The following ATP9B variants were observed in gnomAD, a reference collection of about 807,000 sequenced individuals.
ATP9B encodes the protein ATPase phospholipid transporting 9B.
ATP9B carries 110 observed loss-of-function variants against 146.1 expected under a neutral mutation model. The ratio of observed to expected loss-of-function variants is 0.75; its 90% CI spans 0.65 to 0.88. The LOEUF (loss-of-function observed/expected upper bound fraction) is 0.88. Among genes scored for constraint, ATP9B ranks in the 40% least tolerant of loss-of-function variants. ATP9B has a pLI of 0.00. For synonymous variants in ATP9B, 604 were observed against 569.7 expected, an observed-to-expected ratio of 1.06 and a Z score of -0.86; for missense variants, 1,499 against 1,496.4, an observed-to-expected ratio of 1.00 and a Z score of -0.03.
intron 2 of ATP9B, among the ~76,000 whole-genome samples, chr18:79,108,930 C>T (rs1458578672): frequency 4.6e-5 from 7 of 152,106 alleles, no homozygotes; most frequent in Admixed American, 2.6e-4. Context: ...TGCAAGTTTT[C>T]AGTATTTGTA....
At chr18:79,251,011 T>C (rs1051199904) in intron 11 of ATP9B, among the ~76,000 whole-genome samples, 1 of 152,224 alleles carries the variant, frequency 6.6e-6, no homozygotes, top group African/African-American at 2.4e-5. Context: ...CTGTTGAAAA[T>C]GAGCTGCTGT....
chr18:79,236,887 GCCCCTTC>G (rs2095846394), intron 11 of ATP9B, among the ~76,000 whole-genome samples: 4 of 96,112 alleles, frequency 4.2e-5, no homozygotes, highest in African/African-American at 1.3e-4. Context: ...GTCCACACCT[GCCCCTTC>G]CCCCTTCCCC....
chr18:79,073,061 C>G (rs2072118336), intron 1 of ATP9B, among the ~76,000 whole-genome samples: 1 of 151,580 alleles, frequency 6.6e-6, no homozygotes, highest in Non-Finnish European at 1.5e-5. Flanking sequence ...TCCTCCCATC[C>G]CAGATGATGG....
chr18:79,179,441 T>C (rs1268607338), intron 8 of ATP9B, among the ~76,000 whole-genome samples: 1 of 152,174 alleles, frequency 6.6e-6, no homozygotes, highest in Non-Finnish European at 1.5e-5. Context: ...ATTGTTTACC[T>C]GTGTCACACA....
intron 6 of ATP9B, among the ~76,000 whole-genome samples, chr18:79,149,725 A>AT (rs34424097): frequency 0.14 from 21,238 of 151,600 alleles, 2,117 homozygotes; most frequent in African/African-American, 0.28. Flanking sequence ...AAAAAAAAAA[A>AT]TTTGAAATTA....
rs114241395 is a variant in ATP9B, at chr18:79,184,310, T to C, written c.873+7403T>C. Among the ~76,000 whole-genome samples the C allele has an allele frequency of 3.7e-3, 557 of 152,292 alleles. 3 individuals are homozygous for C. Among genetic ancestry groups the C allele is most frequent in the South Asian group, 0.023 (113 of 4,822 alleles). ...GGGAAGTTGAATCTTTCACTTAGTA[T>C]GTGTGGCTAAAGAATTGTTTGAGAG... On this transcript the variant is annotated intron_variant, in intron 8 of 29. Transcript: ENST00000426216.
At chr18:79,368,978 A>AC (rs61330424) in intron 26 of ATP9B, among the ~76,000 whole-genome samples, 34,346 of 151,858 alleles carry the variant, frequency 0.23, 4,500 homozygotes, top group East Asian at 0.45. Flanking sequence ...CACCGTGAGC[A>AC]CCGTCCTTCC....
intron 13 of ATP9B, among the ~76,000 whole-genome samples, chr18:79,287,111 A>G (rs974065962): frequency 1.1e-4 from 17 of 152,196 alleles, no homozygotes; most frequent in Non-Finnish European, 2.2e-4. Context: ...GGGCTTTGGT[A>G]TCAGGATGAT....
intron 5 of ATP9B, among the ~76,000 whole-genome samples, chr18:79,140,211 G>A (rs897566212): frequency 2.0e-5 from 3 of 152,118 alleles, no homozygotes; most frequent in Non-Finnish European, 2.9e-5. Context: ...AGCAGGGGCC[G>A]ACAGAGATGG....
rs534838719 is a variant in ATP9B, at chr18:79,340,053, A to G, written c.2284-2215A>G. On this transcript the variant is annotated intron_variant, in intron 19 of 29. Transcript: ENST00000426216. ...TCAGGAGGCTGAGGCGGGAGGCTCAATCGAGCCCCAGAGTTCATGGCAAGA... is the reference window on the plus strand; with the variant it reads ...TCAGGAGGCTGAGGCGGGAGGCTCAGTCGAGCCCCAGAGTTCATGGCAAGA... Among the ~76,000 whole-genome samples the G allele has an allele frequency of 6.5e-4, 99 of 152,268 alleles. 2 individuals are homozygous for G. The highest frequency in any genetic ancestry group is 2.3e-3 in the African/African-American group (94 of 41,558).
At chr18:79,349,088 A>C (rs1235345820) in intron 25 of ATP9B, among the ~76,000 whole-genome samples, 5 of 152,242 alleles carry the variant, frequency 3.3e-5, no homozygotes. Flanking sequence ...CTGTATCTGC[A>C]AAACAGGAGC....
intron 4 of ATP9B, among the ~76,000 whole-genome samples, chr18:79,119,349 A>C (rs1298458779): frequency 6.6e-6 from 1 of 152,204 alleles, no homozygotes; most frequent in Non-Finnish European, 1.5e-5. Flanking sequence ...ACGTCTGTTT[A>C]CCAAGACGAG....
At chr18:79,360,033 G>A (rs948278633) in intron 26 of ATP9B, 1 of 156,340 alleles carries the variant, frequency 6.4e-6, no homozygotes, top group Non-Finnish European at 1.4e-5. Context: ...GAAAACTTCA[G>A]TCACCTGAAA....
chr18:79,150,048 T>C (rs1464982582), intron 6 of ATP9B, among the ~76,000 whole-genome samples: 1 of 151,938 alleles, frequency 6.6e-6, no homozygotes, highest in Non-Finnish European at 1.5e-5. Flanking sequence ...GCCACTGCAC[T>C]CCAGCCTGGT....
Position 79,355,408 on chromosome 18 carries a change from A to G in ATP9B, c.2904-3946A>G, listed in dbSNP as rs117017851. On this transcript the variant is annotated intron_variant, in intron 25 of 29. Coordinates refer to ENST00000426216, the MANE Select transcript of ATP9B (RefSeq NM_198531.5). ...AAAATAGAACAGCCCAGCAGACAAGATACAGAGCAGAACCAAATGGAAATC... is the reference window on the plus strand; with the variant it reads ...AAAATAGAACAGCCCAGCAGACAAGGTACAGAGCAGAACCAAATGGAAATC... Among the ~76,000 whole-genome samples the G allele has an allele frequency of 8.2e-3, 1,255 of 152,324 alleles. 8 individuals carry two copies. Among genetic ancestry groups the G allele is most frequent in the Middle Eastern group, 0.024 (7 of 294 alleles).
intron 19 of ATP9B, among the ~76,000 whole-genome samples, chr18:79,341,980 A>G (rs2096861875): frequency 6.6e-6 from 1 of 152,048 alleles, no homozygotes; most frequent in Non-Finnish European, 1.5e-5. Flanking sequence ...GGCTCTAGGG[A>G]CCTCATGGAA....
intron 13 of ATP9B, among the ~76,000 whole-genome samples, chr18:79,289,216 A>G (rs567902041): frequency 6.6e-6 from 1 of 152,292 alleles, no homozygotes; most frequent in South Asian, 2.1e-4. Context: ...ATGTTTTCCA[A>G]CTTGGTTCCA....
At position 79,241,435 on chromosome 18, in the gene ATP9B, C is replaced by T. The variant is rs186087534; in HGVS notation, c.1108-11946C>T. On this transcript the variant is annotated intron_variant, in intron 11 of 29. Transcript: ENST00000426216. ...GTGTGAGGACCCACAGCTTCTCTAT[C>T]GTCTGTCTTGAGAGATGTCGTTCTT... Among the ~76,000 whole-genome samples, 18 of 152,262 alleles carry T rather than the reference C, an allele frequency of 1.2e-4. No homozygotes were observed. In the East Asian group the frequency reaches 1.7e-3, roughly 15 times the overall value.
chr18:79,236,132 A>C (rs1568463603), intron 11 of ATP9B, among the ~76,000 whole-genome samples: 2 of 152,332 alleles, frequency 1.3e-5, no homozygotes, highest in African/African-American at 4.8e-5. Context: ...AAGTTTCTCT[A>C]TAATCTTGTC....
Sources: gnomAD v4.1 joint callset for allele counts (sites outside exome capture counted in the v4.1 genomes callset) on GRCh38, gnomAD v4.1.1 for gene constraint, MANE v1.5 for transcripts, NCBI Gene and HGNC (gene_info 2026-07-23, HGNC 2026-07-21) for gene names.